BLK: variants seen among roughly 807,000 people sequenced by gnomAD.
BLK encodes tyrosine-protein kinase Blk.
In BLK, 64 loss-of-function variants were observed where a neutral mutation model predicts 61.8. The observed-to-expected ratio is 1.03, with a 90% CI of 0.85 to 1.27. The LOEUF is 1.27. Among genes scored for constraint, BLK ranks in the 50% most tolerant of loss-of-function variants. The pLI is 0.00. For synonymous variants in BLK, 351 were observed against 272.0 expected (o/e 1.29, Z -2.86); for missense variants, 853 against 660.5 (o/e 1.29, Z -3.19).
intron 1 of BLK, among the ~76,000 whole-genome samples, chr8:11,498,901 A>T (rs1310761165): frequency 6.6e-6 from 1 of 152,244 alleles, no homozygotes; most frequent in African/African-American, 2.4e-5. Context: ...TCAATGTCAG[A>T]ACCACCAGGG....
intron 1 of BLK, among the ~76,000 whole-genome samples, chr8:11,516,006 T>C (rs574610012): frequency 1.3e-5 from 2 of 152,340 alleles, no homozygotes; most frequent in South Asian, 4.1e-4. Context: ...GCACTGTAGA[T>C]GGAACAAAAG....
At chr8:11,494,920 C>T (rs1386215376) in intron 1 of BLK, among the ~76,000 whole-genome samples, 1 of 152,248 alleles carries the variant, frequency 6.6e-6, no homozygotes, top group Non-Finnish European at 1.5e-5. Context: ...CACTGCTGCG[C>T]TCCCGGCGAG....
chr8:11,526,953 T>C (rs1799679555), intron 1 of BLK, among the ~76,000 whole-genome samples: 1 of 152,216 alleles, frequency 6.6e-6, no homozygotes, highest in African/African-American at 2.4e-5. Context: ...ATATCAAGGT[T>C]TTATGAAGCC....
chr8:11,510,393 A>T (rs1798950230), intron 1 of BLK, among the ~76,000 whole-genome samples: 1 of 152,060 alleles, frequency 6.6e-6, no homozygotes. Context: ...AAGGAAACAA[A>T]CCCCAAGGCT....
chr8:11,506,226 C>T (rs1327510128), intron 1 of BLK, among the ~76,000 whole-genome samples: 2 of 152,204 alleles, frequency 1.3e-5, no homozygotes, highest in Non-Finnish European at 2.9e-5. Context: ...CTTGAATGTG[C>T]TTGAAGCTGT....
intron 1 of BLK, among the ~76,000 whole-genome samples, chr8:11,502,053 T>C (rs1409193704): frequency 6.6e-6 from 1 of 152,236 alleles, no homozygotes; most frequent in Non-Finnish European, 1.5e-5. Flanking sequence ...GTTGCTAACA[T>C]GACTTGCGTG....
chr8:11,527,065 T>C (rs571190815), intron 1 of BLK, among the ~76,000 whole-genome samples: 1 of 152,326 alleles, frequency 6.6e-6, no homozygotes, highest in East Asian at 1.9e-4. Context: ...GACGTCCTAG[T>C]GTCGCTTATT....
At chr8:11,523,578 T>C (rs1799537925) in intron 1 of BLK, among the ~76,000 whole-genome samples, 3 of 152,110 alleles carry the variant, frequency 2.0e-5, no homozygotes, top group African/African-American at 7.2e-5. Flanking sequence ...AATTAGTAAG[T>C]TAAAAAGCAT....
intron 1 of BLK, among the ~76,000 whole-genome samples, chr8:11,537,047 G>C (rs1299441378): frequency 6.6e-6 from 1 of 152,194 alleles, no homozygotes; most frequent in Admixed American, 6.5e-5. Flanking sequence ...GAACCTCGTT[G>C]CTAGGAACTG....
chr8:11,561,291 T>A lies in BLK; in HGVS notation c.1030-11T>A, dbSNP rs1346925544. 4 of 1,612,134 alleles carry A rather than the reference T, an allele frequency of 2.5e-6. No homozygotes were observed. The highest frequency in any genetic ancestry group is 3.4e-6 in the Non-Finnish European group (4 of 1,179,102). On this transcript the variant is annotated splice_polypyrimidine_tract_variant and intron_variant, in intron 10 of 12. Coordinates refer to ENST00000259089, the MANE Select transcript of BLK (RefSeq NM_001715.3). ...CCCAGGCTGTCCTTCACCATGTGCCTGTTCCCTCAGATTGCTGAAGGGATG... is the reference window on the plus strand; with the variant it reads ...CCCAGGCTGTCCTTCACCATGTGCCAGTTCCCTCAGATTGCTGAAGGGATG...
chr8:11,560,418 G>C (rs1262779314), intron 10 of BLK: 1 of 233,030 alleles, frequency 4.3e-6, no homozygotes, highest in Non-Finnish European at 8.5e-6. Context: ...TGCATGGATA[G>C]ATGGATGGAT....
intron 1 of BLK, among the ~76,000 whole-genome samples, chr8:11,531,128 T>G (rs187842413): frequency 1.2e-3 from 190 of 152,364 alleles, no homozygotes; most frequent in African/African-American, 4.4e-3. Flanking sequence ...GTTTGTGTGC[T>G]GCTCAGCTGT....
At chr8:11,512,224 G>A (rs1410860713) in intron 1 of BLK, among the ~76,000 whole-genome samples, 4 of 152,242 alleles carry the variant, frequency 2.6e-5, no homozygotes, top group Admixed American at 6.5e-5. Flanking sequence ...AGTTGGTGAT[G>A]TGTGGATGAC....
At chr8:11,537,500 A>G (rs139852433) in intron 1 of BLK, among the ~76,000 whole-genome samples, 197 of 152,332 alleles carry the variant, frequency 1.3e-3, no homozygotes, top group African/African-American at 4.1e-3. Flanking sequence ...CTATTTTGCC[A>G]CAGGGGAGAT....
Position 11,564,022 on chromosome 8 carries a change from G to T in BLK, c.1432G>T (p.Glu478Ter). ...VIAECWRSRP[E>*]ERPTFEFLQS... ...CGCCGAGTGCTGGCGCAGCCGGCCC[G>T]AGGAGCGGCCCACCTTCGAGTTCCT... Residue 478 changes from glutamate to a stop codon, truncating the protein, a stop_gained, in exon 13 of 13, where the codon GAG becomes TAG. Coordinates refer to ENST00000259089, the MANE Select transcript of BLK (RefSeq NM_001715.3). LOFTEE classifies it high-confidence loss of function. 6.2e-7 allele frequency: 1 copy of T among 1,604,758 alleles called. No homozygotes were observed. The highest frequency in any genetic ancestry group is 8.5e-7 in the Non-Finnish European group (1 of 1,178,900).
intron 1 of BLK, among the ~76,000 whole-genome samples, chr8:11,516,366 A>C (rs1324152243): frequency 1.3e-5 from 2 of 152,166 alleles, no homozygotes; most frequent in African/African-American, 4.8e-5. Context: ...CGAGTCCTGC[A>C]CTTGGTGGGT....
intron 1 of BLK, among the ~76,000 whole-genome samples, chr8:11,516,241 G>T (rs1054914996): frequency 6.6e-6 from 1 of 152,226 alleles, no homozygotes; most frequent in African/African-American, 2.4e-5. Context: ...GAACGGGGGT[G>T]CGAGAGCCTG....
chr8:11,554,686 G>T, intron 6 of BLK, 57 bp from the exon 7 acceptor site: 1 of 1,599,440 alleles, frequency 6.3e-7, no homozygotes, highest in Non-Finnish European at 8.5e-7. Context: ...CCAAATCCCA[G>T]TCCCGTTTTT....
chr8:11,515,385 A>C (rs1799183893), intron 1 of BLK, among the ~76,000 whole-genome samples: 1 of 152,148 alleles, frequency 6.6e-6, no homozygotes, highest in African/African-American at 2.4e-5. Flanking sequence ...CCAGGAGCTG[A>C]GAGGTAGTGC....
Sources: allele counts gnomAD v4.1 joint callset (sites outside exome capture counted in the v4.1 genomes callset), GRCh38; gene constraint gnomAD v4.1.1; transcripts MANE v1.5; gene names NCBI Gene and HGNC (gene_info 2026-07-23, HGNC 2026-07-21).